Variants in CYP7B1 observed in about 807,000 individuals in gnomAD.
CYP7B1 encodes cytochrome P450 family 7 subfamily B member 1, also known as cytochrome P450 7B1.
In CYP7B1, 29 loss-of-function variants were observed where a neutral mutation model predicts 42.7. The ratio of observed to expected loss-of-function variants is 0.68; its 90% confidence interval spans 0.51 to 0.93. The LOEUF (loss-of-function observed/expected upper bound fraction) is 0.93, where lower values mean the gene tolerates loss of function less well. Among genes scored for constraint, CYP7B1 ranks in the 40% least tolerant of loss-of-function variants. CYP7B1 has a pLI of 0.00. For synonymous variants in CYP7B1, 235 were observed against 218.2 expected (o/e 1.08, Z -0.68); for missense variants, 655 against 600.5 (o/e 1.09, Z -0.95).
At chr8:64,604,986 G>T in intron 4 of CYP7B1, 129 bp from the exon 5 acceptor site, 2 of 1,101,152 alleles carry the variant, frequency 1.8e-6, no homozygotes, top group Non-Finnish European at 1.3e-6. Context: ...CACATACATT[G>T]AGCACCAAGA....
Position 64,798,588 on chromosome 8 carries a change from C to T in CYP7B1, c.-1G>A. ...TGGCCGCGGACACTTCTCCTGCCAT[C>T]CGGCGCGCGCTAGGCCGCGGTGGGC... On this transcript the variant is annotated 5_prime_UTR_variant, in exon 1 of 6. Coordinates refer to ENST00000310193, the MANE Select transcript of CYP7B1 (RefSeq NM_004820.5). The T allele has an allele frequency of 6.8e-7, 1 of 1,464,800 alleles. No homozygotes were observed. The highest frequency in any genetic ancestry group is 2.5e-5 in the Admixed American group (1 of 39,560). The allele number at this position is 1,464,800 out of a possible 1,614,324, so 90.7% of individuals were successfully genotyped here.
intron 1 of CYP7B1, among the ~76,000 whole-genome samples, chr8:64,716,365 T>A (rs1807154510): frequency 6.6e-6 from 1 of 152,208 alleles, no homozygotes; most frequent in South Asian, 2.1e-4. Context: ...ATATCTTTTG[T>A]TAAATTTATC....
intron 1 of CYP7B1, among the ~76,000 whole-genome samples, chr8:64,702,984 A>G (rs1157380125): frequency 6.6e-6 from 1 of 151,032 alleles, no homozygotes; most frequent in Non-Finnish European, 1.5e-5. Flanking sequence ...AACACAACCT[A>G]TAACTGGGTA....
intron 1 of CYP7B1, among the ~76,000 whole-genome samples, chr8:64,697,030 A>C (rs1806839124): frequency 6.6e-6 from 1 of 152,200 alleles, no homozygotes; most frequent in Non-Finnish European, 1.5e-5. Flanking sequence ...TAGTTAGCCA[A>C]AGTTAAATCA....
chr8:64,756,176 C>G (rs1026795529), intron 1 of CYP7B1, among the ~76,000 whole-genome samples: 6 of 152,286 alleles, frequency 3.9e-5, no homozygotes, highest in Non-Finnish European at 4.4e-5. Flanking sequence ...ATTTCCCCCC[C>G]TCTAGTCCTT....
chr8:64,788,566 A>G (rs141158360), intron 1 of CYP7B1, among the ~76,000 whole-genome samples: 1,807 of 152,210 alleles, frequency 0.012, 18 homozygotes, highest in Non-Finnish European at 0.019. Context: ...CTGTCCTGTC[A>G]AGGGCTGGCT....
At chr8:64,774,191 A>G (rs1390120539) in intron 1 of CYP7B1, among the ~76,000 whole-genome samples, 1 of 152,204 alleles carries the variant, frequency 6.6e-6, no homozygotes, top group Non-Finnish European at 1.5e-5. Flanking sequence ...GCTTATCACT[A>G]TCCTGATTAC....
intron 1 of CYP7B1, among the ~76,000 whole-genome samples, chr8:64,665,907 T>A (rs1371548406): frequency 1.3e-5 from 2 of 152,164 alleles, no homozygotes; most frequent in African/African-American, 2.4e-5. Context: ...GGCAACTTTT[T>A]ACGACTGGCA....
chr8:64,609,613 C>A (rs1248472337), intron 4 of CYP7B1, among the ~76,000 whole-genome samples: 17 of 152,290 alleles, frequency 1.1e-4, no homozygotes, highest in African/African-American at 3.6e-4. Context: ...AGACTTGGCA[C>A]AACTAGGTGT....
At chr8:64,732,583 G>A (rs1012525041) in intron 1 of CYP7B1, among the ~76,000 whole-genome samples, 3 of 152,172 alleles carry the variant, frequency 2.0e-5, no homozygotes, top group Non-Finnish European at 2.9e-5. Flanking sequence ...AAGTTACGAT[G>A]TTGGGGAACT....
chr8:64,610,150 G>A (rs148393401), intron 4 of CYP7B1, among the ~76,000 whole-genome samples: 2 of 152,102 alleles, frequency 1.3e-5, no homozygotes, highest in African/African-American at 4.8e-5. Flanking sequence ...AATTAAAGTT[G>A]CTTTTCAATC....
At chr8:64,642,074 C>A (rs1462893745) in intron 1 of CYP7B1, among the ~76,000 whole-genome samples, 13 of 152,050 alleles carry the variant, frequency 8.5e-5, no homozygotes, top group Admixed American at 2.6e-4. Flanking sequence ...ACACTGATTG[C>A]AAAATATGTG....
chr8:64,773,400 A>G (rs4737682), intron 1 of CYP7B1, among the ~76,000 whole-genome samples: 1 of 152,224 alleles, frequency 6.6e-6, no homozygotes, highest in Non-Finnish European at 1.5e-5. Context: ...TAAATGGGAT[A>G]TTCCCTATCA....
At chr8:64,690,910 C>T (rs1161250621) in intron 1 of CYP7B1, among the ~76,000 whole-genome samples, 1 of 152,156 alleles carries the variant, frequency 6.6e-6, no homozygotes, top group Non-Finnish European at 1.5e-5. Flanking sequence ...AGAAATGGAA[C>T]CAAATATTTA....
At chr8:64,676,678 T>C (rs1164638046) in intron 1 of CYP7B1, among the ~76,000 whole-genome samples, 1 of 152,136 alleles carries the variant, frequency 6.6e-6, no homozygotes, top group African/African-American at 2.4e-5. Context: ...ATATTAATAA[T>C]ATATAAAATT....
chr8:64,798,394 C>T (rs942250973), intron 1 of CYP7B1, 72 bp downstream of exon 1: 5 of 1,433,052 alleles, frequency 3.5e-6, no homozygotes, highest in Non-Finnish European at 4.5e-6. Flanking sequence ...GGGGGACTCC[C>T]CTCGCCATCT....
At chr8:64,728,060 G>C (rs1031791480) in intron 1 of CYP7B1, 1 of 152,200 alleles carries the variant, frequency 6.6e-6, no homozygotes, top group South Asian at 2.1e-4. Flanking sequence ...TGCAGTACCT[G>C]CTGTGGTACA....
chr8:64,702,288 G>T (rs1365512767), intron 1 of CYP7B1, among the ~76,000 whole-genome samples: 5 of 152,032 alleles, frequency 3.3e-5, no homozygotes, highest in African/African-American at 1.2e-4. Context: ...TTATGAAATT[G>T]TGTCAGTATC....
rs1420977247 is a variant in CYP7B1 at position 64,756,043 on chromosome 8, A to G, written c.122+42423T>C. Among the ~76,000 whole-genome samples the G allele has an allele frequency of 1.3e-5, 2 of 152,162 alleles. 1 individual carries two copies. The highest frequency in any genetic ancestry group is 4.1e-4 in the South Asian group (2 of 4,826). ...ATTCTAAAAGTTACATCATTCGTCC[A>G]CCTGTGTGCTTTATACCAGGAGGTT... On this transcript the variant is annotated intron_variant, in intron 1 of 5. Coordinates refer to ENST00000310193, the MANE Select transcript of CYP7B1 (RefSeq NM_004820.5).
Sources: gnomAD v4.1 joint callset for allele counts (sites outside exome capture counted in the v4.1 genomes callset) on GRCh38, gnomAD v4.1.1 for gene constraint, MANE v1.5 for transcripts, NCBI Gene and HGNC (gene_info 2026-07-23, HGNC 2026-07-21) for gene names.